The following NECAP2 variants were observed in gnomAD, a reference collection of about 807,000 sequenced individuals.
NECAP2 encodes NECAP endocytosis associated 2.
A neutral mutation model predicts 37.8 loss-of-function variants in NECAP2; 38 were observed. The observed-to-expected ratio is 1.01, with a 90% CI of 0.78 to 1.32. The LOEUF (loss-of-function observed/expected upper bound fraction) is 1.32. Among genes scored for constraint, NECAP2 ranks in the 40% most tolerant of loss-of-function variants. The probability of loss-of-function intolerance (pLI) is 0.00; values close to 1 mark genes in which losing one functional copy is unlikely to be tolerated. For synonymous variants in NECAP2, 121 were observed against 127.7 expected, an observed-to-expected ratio of 0.95 and a Z score of 0.35; for missense variants, 316 against 334.5, an observed-to-expected ratio of 0.94 and a Z score of 0.43.
intron 7 of NECAP2, among the ~76,000 whole-genome samples, chr1:16,458,238 A>C (rs1366521987): frequency 6.6e-6 from 1 of 152,142 alleles, no homozygotes; most frequent in East Asian, 1.9e-4. Flanking sequence ...CTTCAGCCTC[A>C]AAGAGCATGT....
At chr1:16,447,739 C>A in intron 2 of NECAP2, 131 bp from the exon 3 acceptor site, 1 of 704,634 alleles carries the variant, frequency 1.4e-6, no homozygotes, top group Non-Finnish European at 2.6e-6. Context: ...ATTTGAATCC[C>A]ACAGTAAGGT....
chr1:16,443,754 T>G (rs2086722269), intron 2 of NECAP2, 22 bp downstream of exon 2: 2 of 1,585,228 alleles, frequency 1.3e-6, no homozygotes, highest in African/African-American at 2.7e-5. Context: ...GGAGGCTGCA[T>G]CAAGCTGAGG....
At position 16,443,657 on chromosome 1, in the gene NECAP2, C is replaced by T. The variant is rs1557685027; in HGVS notation, c.118C>T (p.Pro40Ser). Residue 40 changes from proline (P) to serine (S), a missense_variant, in exon 2 of 8, where the codon CCA becomes TCA. Transcript: ENST00000337132. ...YRAAEWQLDQ[P>S]SWSGRLRITA... The stretch of plus-strand genomic sequence containing the variant: ...GGCTGCGGAGTGGCAGCTGGACCAG[C>T]CATCATGGAGTGGCCGGCTGAGGAT... 1.2e-6 allele frequency: 2 copies of T among 1,612,206 alleles called. No homozygotes were observed. Among genetic ancestry groups the T allele is most frequent in the Non-Finnish European group, 1.7e-6 (2 of 1,179,658 alleles).
At position 16,443,731 on chromosome 1, in the gene NECAP2, A is replaced by T. The variant is rs747125129; in HGVS notation, c.192A>T (p.Ser64=). ...ACATCAAGCTGGAGGACAGGACGTC[A>T]GGTAACCGGAAGGGAGGCTGCATCA... ...MAYIKLEDRT[S]GELFAQAPVD... Residue 64 remains serine (S), a splice_region_variant and synonymous_variant, in exon 2 of 8, where the codon TCA becomes TCT. Coordinates refer to ENST00000337132, the MANE Select transcript of NECAP2 (RefSeq NM_018090.5). 25 of 1,610,880 alleles carry T rather than the reference A, an allele frequency of 1.6e-5. 1 individual carries two copies. In the Middle Eastern group the frequency reaches 1.3e-3, roughly 86 times the overall value.
intron 2 of NECAP2, among the ~76,000 whole-genome samples, chr1:16,446,897 TAA>T (rs2086771417): frequency 6.6e-6 from 1 of 151,812 alleles, no homozygotes; most frequent in African/African-American, 2.4e-5. Flanking sequence ...CTGTCTCTAC[TAA>T]AAATACAAAA....
chr1:16,451,567 G>A, intron 5 of NECAP2: 1 of 467,900 alleles, frequency 2.1e-6, no homozygotes, highest in Non-Finnish European at 3.8e-6. Flanking sequence ...ATTCTGGTGA[G>A]CGTGTAATGG....
intron 6 of NECAP2, among the ~76,000 whole-genome samples, chr1:16,453,890 T>G (rs2086881698): frequency 6.6e-6 from 1 of 152,186 alleles, no homozygotes; most frequent in African/African-American, 2.4e-5. Flanking sequence ...GTTTCAGCTC[T>G]CAAGGGCTTG....
In NECAP2 at chr1:16,448,154, G is replaced by T; in HGVS notation, c.380+13G>T. ...AGGACCATTTCAAGTGAGTGGGTCT[G>T]GGAGACACACGCTCATGCCCCTCCC... is the stretch of plus-strand genomic sequence containing the variant. On this transcript the variant is annotated intron_variant, in intron 4 of 7. Transcript: ENST00000337132. 6.2e-7 allele frequency: 1 copy of T among 1,607,358 alleles called. No individual in the cohort carries two copies. Among genetic ancestry groups the T allele is most frequent in the Non-Finnish European group, 8.5e-7 (1 of 1,173,924 alleles).
At chr1:16,444,885 C>T (rs537174297) in intron 2 of NECAP2, among the ~76,000 whole-genome samples, 2 of 152,180 alleles carry the variant, frequency 1.3e-5, no homozygotes, top group Admixed American at 1.3e-4. Flanking sequence ...TGCAGTGGCA[C>T]GATCTCAGCT....
At chr1:16,455,040 TA>T (rs1426112995) in intron 6 of NECAP2, among the ~76,000 whole-genome samples, 1 of 152,224 alleles carries the variant, frequency 6.6e-6, no homozygotes, top group Non-Finnish European at 1.5e-5. Flanking sequence ...TCACAGAAGA[TA>T]ATGTGCCTTG....
At chr1:16,452,780 G>GCCGCC (rs1285288417) in intron 6 of NECAP2, among the ~76,000 whole-genome samples, 2 of 124,604 alleles carry the variant, frequency 1.6e-5, no homozygotes, top group Middle Eastern at 3.4e-3. Flanking sequence ...CCCCCCGCCC[G>GCCGCC]CCGCCCCGCC....
chr1:16,454,365 T>C (rs116615773), intron 6 of NECAP2, among the ~76,000 whole-genome samples: 1,754 of 144,674 alleles, frequency 0.012, 36 homozygotes, highest in African/African-American at 0.041. Flanking sequence ...CGCCTACTTA[T>C]TTATTTTTAA....
At chr1:16,440,974 C>T (rs1570249467) in intron 1 of NECAP2, 121 bp downstream of exon 1, 1 of 754,148 alleles carries the variant, frequency 1.3e-6, no homozygotes, top group Non-Finnish European at 2.2e-6. Flanking sequence ...GGAGCTAATG[C>T]TGCTGCTTCT....
intron 7 of NECAP2, among the ~76,000 whole-genome samples, chr1:16,457,555 G>T (rs976201144): frequency 2.6e-5 from 4 of 152,148 alleles, no homozygotes; most frequent in South Asian, 2.1e-4. Flanking sequence ...TCAGACTGCA[G>T]CGTTGACCCT....
chr1:16,447,789 C>A, intron 2 of NECAP2, 81 bp from the exon 3 acceptor site: 2 of 1,151,024 alleles, frequency 1.7e-6, no homozygotes, highest in Non-Finnish European at 2.6e-6. Flanking sequence ...GCCTTGCGGG[C>A]AAAAGGCCCA....
rs774869056 is a variant in NECAP2 at position 16,451,842 on chromosome 1, TGAA to T, written c.502_504del (p.Lys168del). 44 of 1,613,850 alleles carry T rather than the reference TGAA, an allele frequency of 2.7e-5. No homozygotes were observed. In the South Asian group the frequency reaches 4.1e-4, roughly 15 times the overall value. ...GCATTCCTCTTCCCTCTTTAGAACATGAAGAAGAAGGAAGGAGCAGCTGGGAAT... is the reference window on the plus strand; with the variant it reads ...GCATTCCTCTTCCCTCTTTAGAACATGAAGAAGGAAGGAGCAGCTGGGAAT... On this transcript the variant is annotated inframe_deletion, in exon 6 of 8. Transcript: ENST00000337132.
intron 7 of NECAP2, among the ~76,000 whole-genome samples, chr1:16,456,368 G>A (rs984607528): frequency 5.3e-5 from 8 of 152,178 alleles, no homozygotes; most frequent in Non-Finnish European, 8.8e-5. Flanking sequence ...GAGCCCCAGC[G>A]TGCCTGCTTT....
intron 1 of NECAP2, among the ~76,000 whole-genome samples, chr1:16,442,054 C>G (rs1054003688): frequency 4.6e-5 from 7 of 151,308 alleles, no homozygotes; most frequent in Non-Finnish European, 8.8e-5. Context: ...TCTCGGCTCA[C>G]TGCAACCTCC....
intron 7 of NECAP2, among the ~76,000 whole-genome samples, chr1:16,457,707 G>GTT (rs56863489): frequency 0.029 from 3,013 of 105,118 alleles, 129 homozygotes; most frequent in African/African-American, 0.068. Context: ...TAGTAATTCT[G>GTT]TTTTTTTTTT....
Sources: gnomAD v4.1 joint callset for allele counts (sites outside exome capture counted in the v4.1 genomes callset) on GRCh38, gnomAD v4.1.1 for gene constraint, MANE v1.5 for transcripts, NCBI Gene and HGNC (gene_info 2026-07-23, HGNC 2026-07-21) for gene names.